Variants in LIPC observed in about 807,000 individuals in gnomAD.
LIPC encodes the protein hepatic triacylglycerol lipase.
LIPC carries 44 observed loss-of-function variants against 50.7 expected under a neutral mutation model. That is an observed-to-expected ratio of 0.87 (90% CI 0.68 to 1.11). The LOEUF is 1.11. Ranked by LOEUF, LIPC falls within the 50% of genes most tolerant of loss-of-function variation. The pLI, the probability that LIPC is intolerant of heterozygous loss-of-function variation, is 0.00. For missense variants in LIPC, 697 were observed against 648.2 expected (o/e 1.08, Z -0.82); for synonymous variants, 271 against 256.4 (o/e 1.06, Z -0.54).
rs978385196 is a variant in LIPC at position 58,563,410 on chromosome 15, C to A, written c.1170-95C>A. 74 of 1,052,482 alleles carry A rather than the reference C, an allele frequency of 7.0e-5. No homozygotes were observed. The Middle Eastern group carries it at 1.4e-3, about 20-fold the overall frequency. 65.2% of individuals were successfully genotyped at this position (1,052,482 alleles called of 1,614,324 possible). On this transcript the variant is annotated intron_variant, in intron 7 of 8. Transcript: ENST00000299022. ...GGGAAATGCAGCAAAAATCCCAAGT[C>A]ATTCAGGGAAACACAACACATCCTG...
At chr15:58,544,601 G>C (rs182386915) in intron 4 of LIPC, among the ~76,000 whole-genome samples, 1 of 152,116 alleles carries the variant, frequency 6.6e-6, no homozygotes, top group Non-Finnish European at 1.5e-5. Context: ...TTGTCATGTT[G>C]CCCAGGTTGG....
chr15:58,432,584 G>A (rs1234373233), intron 1 of LIPC, among the ~76,000 whole-genome samples: 1 of 152,172 alleles, frequency 6.6e-6, no homozygotes, highest in Non-Finnish European at 1.5e-5. Context: ...CAGGTCTAAA[G>A]TAGAGATATC....
intron 1 of LIPC, among the ~76,000 whole-genome samples, chr15:58,527,442 A>T (rs1256261674): frequency 6.6e-6 from 1 of 151,928 alleles, no homozygotes; most frequent in Non-Finnish European, 1.5e-5. Flanking sequence ...GGCCACACAT[A>T]AGCTCACCTT....
chr15:58,462,824 G>T (rs1373381229), intron 1 of LIPC, among the ~76,000 whole-genome samples: 1 of 152,138 alleles, frequency 6.6e-6, no homozygotes, highest in South Asian at 2.1e-4. Flanking sequence ...TCGGCAGAGG[G>T]GGCAGGCCTG....
chr15:58,555,292 G>C (rs557379212), intron 6 of LIPC, among the ~76,000 whole-genome samples: 1 of 152,158 alleles, frequency 6.6e-6, no homozygotes, highest in African/African-American at 2.4e-5. Flanking sequence ...GGGGCCAGAC[G>C]TTTAGGGGAC....
intron 1 of LIPC, among the ~76,000 whole-genome samples, chr15:58,500,413 G>A (rs1306939780): frequency 6.6e-5 from 10 of 152,148 alleles, no homozygotes. Context: ...GTGCTTCCAT[G>A]TCTCCATGTT....
intron 1 of LIPC, among the ~76,000 whole-genome samples, chr15:58,524,195 C>CG (rs1356739763): frequency 6.6e-6 from 1 of 152,122 alleles, no homozygotes; most frequent in African/African-American, 2.4e-5. Context: ...ACAAAAGTAT[C>CG]ACACTTTAGA....
Position 58,568,565 on chromosome 15 carries a change from G to A in LIPC, c.1389-151G>A. 1.4e-5 allele frequency: 9 copies of A among 643,940 alleles called. No homozygotes were observed. The South Asian group carries it at 1.4e-4, about 10-fold the overall frequency. 39.9% of individuals were successfully genotyped at this position (643,940 alleles called of 1,614,324 possible). ...GACTTGGGTTTTGTTTTTCTCTGAA[G>A]TTACAAAAATATTTGCGAACATAAG... On this transcript the variant is annotated intron_variant, in intron 8 of 8. Transcript: ENST00000299022.
At chr15:58,484,725 A>T (rs1403845648) in intron 1 of LIPC, among the ~76,000 whole-genome samples, 2 of 120,720 alleles carry the variant, frequency 1.7e-5, no homozygotes, top group East Asian at 5.2e-4. Context: ...CCGTCGGGCC[A>T]CACTGCCTCA....
chr15:58,432,241 G>A (rs1893148624), intron 1 of LIPC, 121 bp downstream of exon 1: 1 of 782,680 alleles, frequency 1.3e-6, no homozygotes, highest in Non-Finnish European at 2.3e-6. Context: ...GTGCCAGGTG[G>A]TTCTATACAC....
At chr15:58,461,047 C>G (rs1894329890) in intron 1 of LIPC, among the ~76,000 whole-genome samples, 1 of 152,152 alleles carries the variant, frequency 6.6e-6, no homozygotes. Context: ...TGAAGATGTG[C>G]AGAAACCCAG....
intron 1 of LIPC, among the ~76,000 whole-genome samples, chr15:58,526,880 C>G (rs1490462992): frequency 6.6e-6 from 1 of 152,226 alleles, no homozygotes; most frequent in Non-Finnish European, 1.5e-5. Flanking sequence ...GAGGCTCCTA[C>G]TGGTTAAGCA....
intron 1 of LIPC, among the ~76,000 whole-genome samples, chr15:58,443,877 T>C (rs1679289948): frequency 6.6e-6 from 1 of 152,162 alleles, no homozygotes. Context: ...ACAAAGTACA[T>C]TCTCAAGGGT....
At chr15:58,562,600 T>G (rs1196264074) in intron 7 of LIPC, among the ~76,000 whole-genome samples, 3 of 152,066 alleles carry the variant, frequency 2.0e-5, no homozygotes, top group Admixed American at 1.3e-4. Context: ...ATCCTGAGCT[T>G]CCCGAAAATT....
intron 1 of LIPC, among the ~76,000 whole-genome samples, chr15:58,476,987 C>G: frequency 6.6e-6 from 1 of 152,210 alleles, no homozygotes; most frequent in East Asian, 1.9e-4. Flanking sequence ...GGTCTCAGAA[C>G]TGGTCTTGCA....
intron 1 of LIPC, among the ~76,000 whole-genome samples, chr15:58,487,049 C>G (rs768698668): frequency 5.3e-5 from 8 of 152,142 alleles, no homozygotes; most frequent in Non-Finnish European, 1.0e-4. Flanking sequence ...TTCTGGCATA[C>G]AAAGTCACTT....
At chr15:58,495,941 C>T (rs1891748358) in intron 1 of LIPC, among the ~76,000 whole-genome samples, 1 of 152,140 alleles carries the variant, frequency 6.6e-6, no homozygotes. Flanking sequence ...GCAAAATTTC[C>T]AAGACTCGTG....
At chr15:58,527,946 C>A (rs1456059927) in intron 1 of LIPC, among the ~76,000 whole-genome samples, 2 of 152,042 alleles carry the variant, frequency 1.3e-5, no homozygotes, top group Non-Finnish European at 2.9e-5. Context: ...CAGGCAGCCC[C>A]CAAACCTCTG....
Position 58,567,209 on chromosome 15 carries a change from T to C in LIPC, c.1389-1507T>C, listed in dbSNP as rs60540285. ...GAGCGAGACTCCGTCTCAAAAAAAATAAAAAATATATATATATATATGTAT... is the reference window on the plus strand; with the variant it reads ...GAGCGAGACTCCGTCTCAAAAAAAACAAAAAATATATATATATATATGTAT... On this transcript the variant is annotated intron_variant, in intron 8 of 8. Transcript: ENST00000299022. 5.0e-4 allele frequency among the ~76,000 whole-genome samples: 64 copies of C among 127,734 alleles called. 1 individual carries two copies. The highest frequency in any genetic ancestry group is 4.1e-3 in the Middle Eastern group (1 of 244). The allele number at this position is 127,734 out of a possible 152,430, so 83.8% of individuals were successfully genotyped here. A position where few individuals can be genotyped will look rare whatever the true frequency, so the allele number is the denominator to read the frequency against.
Sources: gnomAD v4.1 joint callset for allele counts (sites outside exome capture counted in the v4.1 genomes callset) on GRCh38, gnomAD v4.1.1 for gene constraint, MANE v1.5 for transcripts, NCBI Gene and HGNC (gene_info 2026-07-23, HGNC 2026-07-21) for gene names.